Variants in PSG2 observed in about 807,000 individuals in gnomAD.
PSG2 encodes pregnancy-specific beta-1-glycoprotein 2.
Under a neutral mutation model 36.2 loss-of-function variants are expected in PSG2, and 49 were observed. The observed-to-expected ratio is 1.35, with a 90% CI of 1.08 to 1.72. The LOEUF (loss-of-function observed/expected upper bound fraction) is 1.72, where lower values mean the gene tolerates loss of function less well. Ranked by LOEUF, PSG2 falls within the 40% of genes most tolerant of loss-of-function variation. The pLI is 0.00. For synonymous variants in PSG2, 261 were observed against 155.6 expected (o/e 1.68, Z -5.04); for missense variants, 605 against 407.2 (o/e 1.49, Z -4.18).
At chr19:43,077,534 T>A (rs1967914227) in intron 2 of PSG2, among the ~76,000 whole-genome samples, 1 of 151,702 alleles carries the variant, frequency 6.6e-6, no homozygotes, top group African/African-American at 2.4e-5. Flanking sequence ...CTAAGTGAGA[T>A]GCCAATGGCT....
In PSG2 at chr19:43,080,987, C is replaced by T; in HGVS notation, c.324G>A (p.Leu108=). ...RETAYSNASL[L]IQNVTREDAG... ...CGTCCTCCCGGGTGACATTCTGGATCAGCAGGGATGCATTGGAATATGCTG... is the reference window on the plus strand; with the variant it reads ...CGTCCTCCCGGGTGACATTCTGGATTAGCAGGGATGCATTGGAATATGCTG... The change falls in exon 2 of 6, where the codon CTG becomes CTA. Residue 108 remains leucine (L), a synonymous_variant. Coordinates refer to ENST00000406487, the MANE Select transcript of PSG2 (RefSeq NM_031246.4). 6.2e-7 allele frequency: 1 copy of T among 1,613,118 alleles called. No homozygotes were observed. The highest frequency in any genetic ancestry group is 8.5e-7 in the Non-Finnish European group (1 of 1,179,698).
chr19:43,072,217 G>A (rs1967829335), intron 3 of PSG2: 13 of 1,462,984 alleles, frequency 8.9e-6, no homozygotes, highest in Admixed American at 2.1e-5. Context: ...TTTTCCCAGG[G>A]CAGGGAGTCA....
Position 43,080,896 on chromosome 19 carries a change from T to A in PSG2, c.415A>T (p.Thr139Ser). 6.2e-7 allele frequency: 1 copy of A among 1,612,222 alleles called. No individual in the cohort carries two copies. The highest frequency in any genetic ancestry group is 8.5e-7 in the Non-Finnish European group (1 of 1,179,262). The change falls in exon 2 of 6, where the codon ACC (threonine) becomes TCC (serine). Residue 139 changes from threonine to serine, a missense_variant. By Grantham distance (58) the Thr-to-Ser change is moderately conservative. Transcript: ENST00000406487. The stretch of plus-strand genomic sequence containing the variant: ...AATCACTTACGGTATAAGGTGAAGG[T>A]GAAATATCCAGTTACTCCTCTAGTC... ...DGTRGVTGYFTFTLYLETPKP... is the reference protein window; with the variant it reads ...DGTRGVTGYFSFTLYLETPKP...
At chr19:43,069,579 G>C (rs1163898353) in intron 4 of PSG2, among the ~76,000 whole-genome samples, 1 of 151,604 alleles carries the variant, frequency 6.6e-6, no homozygotes, top group Non-Finnish European at 1.5e-5. Context: ...GATTTTCATC[G>C]AGTGTGCCAA....
rs1011339865 is a variant in PSG2, at chr19:43,081,053, A to G, written c.258T>C (p.Gly86=). Residue 86 remains glycine (G), a synonymous_variant, in exon 2 of 6, where the codon GGT becomes GGC. Coordinates refer to ENST00000406487, the MANE Select transcript of PSG2 (RefSeq NM_031246.4). Reference sequence around the variant, plus strand: ...ATGCAGGCCCATATATAATTATTTGACCGTCTACTACATATGATGTAATGT... The same window carrying G: ...ATGCAGGCCCATATATAATTATTTGGCCGTCTACTACATATGATGTAATGT... ...YHYITSYVVD[G]QIIIYGPAYS... The G allele has an allele frequency of 1.6e-5, 26 of 1,612,646 alleles. No homozygotes were observed. Among genetic ancestry groups the G allele is most frequent in the Non-Finnish European group, 2.1e-5 (25 of 1,179,638 alleles).
At chr19:43,072,628 C>A (rs147363314) in intron 3 of PSG2, 1 of 1,611,374 alleles carries the variant, frequency 6.2e-7, no homozygotes, top group African/African-American at 1.3e-5. Context: ...TGGGCAGCTT[C>A]GCTGTGTGGA....
rs1381826063 is a variant in PSG2 at position 43,073,563 on chromosome 19, C to A, written c.710-1609G>T. On this transcript the variant is annotated intron_variant, in intron 3 of 5. Coordinates refer to ENST00000406487, the MANE Select transcript of PSG2 (RefSeq NM_031246.4). ...TGGAGAGAAGTTTTTCAAATATTTT[C>A]TTTCATTGAACAATCTACTCTGTGA... Among the ~76,000 whole-genome samples the A allele has an allele frequency of 1.4e-4, 21 of 151,710 alleles. 1 individual carries two copies. The highest frequency in any genetic ancestry group is 3.1e-4 in the Non-Finnish European group (21 of 67,990).
In PSG2 at chr19:43,075,573, T is replaced by C. The variant is rs199796629; in HGVS notation, c.490A>G (p.Thr164Ala). 4 of 1,613,228 alleles carry C rather than the reference T, an allele frequency of 2.5e-6. No individual in the cohort carries two copies. Among genetic ancestry groups the C allele is most frequent in the East Asian group, 2.2e-5 (1 of 44,866 alleles). Residue 164 changes from threonine to alanine, a missense_variant, in exon 3 of 6, where the codon ACT (threonine) becomes GCT (alanine). Coordinates refer to ENST00000406487, the MANE Select transcript of PSG2 (RefSeq NM_031246.4). ...SNLNPREAMETVILTCDPETP... is the reference protein window; with the variant it reads ...SNLNPREAMEAVILTCDPETP... ...TCAGGATCACAGGTTAAGATCACAG[T>C]TTCCATGGCCTCCCTGGGGTTTAAG...
chr19:43,077,988 G>T (rs1430077658), intron 2 of PSG2, among the ~76,000 whole-genome samples: 1 of 151,670 alleles, frequency 6.6e-6, no homozygotes. Flanking sequence ...TCTATAGCAG[G>T]TTGAGGATGG....
At chr19:43,077,644 C>T (rs1423235681) in intron 2 of PSG2, among the ~76,000 whole-genome samples, 1 of 151,722 alleles carries the variant, frequency 6.6e-6, no homozygotes, top group Non-Finnish European at 1.5e-5. Flanking sequence ...CAGATAGCAC[C>T]CACCTGGTCA....
At chr19:43,072,557 G>C (rs1967834951) in intron 3 of PSG2, 1 of 1,611,150 alleles carries the variant, frequency 6.2e-7, no homozygotes, top group African/African-American at 1.3e-5. Context: ...AGGTTCACAG[G>C]TGAAGGCTAA....
chr19:43,070,203 G>A (rs552588141), intron 4 of PSG2, among the ~76,000 whole-genome samples: 2 of 151,550 alleles, frequency 1.3e-5, no homozygotes, highest in Admixed American at 6.6e-5. Context: ...AAAACAACAG[G>A]TGTTTTCAAG....
chr19:43,072,624 G>A, intron 3 of PSG2: 1 of 1,611,490 alleles, frequency 6.2e-7, no homozygotes, highest in Non-Finnish European at 8.5e-7. Flanking sequence ...GGCTTGGGCA[G>A]CTTCGCTGTG....
rs540996761 is a variant in PSG2 at position 43,076,205 on chromosome 19, G to C, written c.431-573C>G. Among the ~76,000 whole-genome samples the C allele has an allele frequency of 9.0e-4, 136 of 151,732 alleles. 2 individuals carry two copies. The highest frequency in any genetic ancestry group is 6.8e-3 in the Middle Eastern group (2 of 294). On this transcript the variant is annotated intron_variant, in intron 2 of 5. Transcript: ENST00000406487. The stretch of plus-strand genomic sequence containing the variant: ...AGGTCAGTTCAGTCATCAGGCAGTG[G>C]AGCCACAAGGTGGGGCAGTTTTCCC...
At chr19:43,070,990 C>T (rs1466036094) in intron 4 of PSG2, among the ~76,000 whole-genome samples, 1 of 151,688 alleles carries the variant, frequency 6.6e-6, no homozygotes, top group Non-Finnish European at 1.5e-5. Flanking sequence ...ACGTACTGTG[C>T]CCACAGCTTC....
At chr19:43,076,705 G>C (rs539186015) in intron 2 of PSG2, among the ~76,000 whole-genome samples, 18 of 151,572 alleles carry the variant, frequency 1.2e-4, no homozygotes, top group Admixed American at 7.2e-4. Flanking sequence ...GTGGGTGTGC[G>C]GTTCCAGTTA....
chr19:43,069,091 G>A (rs10409685), intron 4 of PSG2, among the ~76,000 whole-genome samples: 44,868 of 150,988 alleles, frequency 0.3, 8,760 homozygotes, highest in African/African-American at 0.53. Flanking sequence ...AGGGAAATTA[G>A]GAAAAAAATT....
At chr19:43,071,343 C>A (rs1967812965) in intron 4 of PSG2, among the ~76,000 whole-genome samples, 1 of 141,618 alleles carries the variant, frequency 7.1e-6, no homozygotes. Flanking sequence ...GGAATAGGTA[C>A]AAGAAAAAAA....
At chr19:43,073,450 C>T (rs1431744816) in intron 3 of PSG2, among the ~76,000 whole-genome samples, 1 of 151,450 alleles carries the variant, frequency 6.6e-6, no homozygotes, top group Non-Finnish European at 1.5e-5. Flanking sequence ...TTTGCAAAAG[C>T]AGAACTGACT....
Sources: allele counts gnomAD v4.1 joint callset (sites outside exome capture counted in the v4.1 genomes callset), GRCh38; gene constraint gnomAD v4.1.1; transcripts MANE v1.5; gene names NCBI Gene and HGNC (gene_info 2026-07-23, HGNC 2026-07-21).